The following ASPG variants were observed in gnomAD, a reference collection of about 807,000 sequenced individuals.
ASPG encodes 60 kDa lysophospholipase.
A neutral mutation model predicts 63.2 loss-of-function variants in ASPG; 53 were observed. That is an observed-to-expected ratio of 0.84 (90% confidence interval 0.67 to 1.05). The LOEUF (loss-of-function observed/expected upper bound fraction) is 1.05, where lower values mean the gene tolerates loss of function less well. Among genes scored for constraint, ASPG ranks in the 50% least tolerant of loss-of-function variants. The pLI is 0.00. For missense variants in ASPG, 741 were observed against 794.4 expected (o/e 0.93, Z 0.81); for synonymous variants, 370 against 355.0 (o/e 1.04, Z -0.48).
rs569508219 is a variant in ASPG at position 104,112,762 on chromosome 14, G to A, written c.*218G>A. ...GGCTCTGTCTGGGTCCGGGACTGTG[G>A]ATGTGTGTGGGGAGTCAGGCCCAGG... On this transcript the variant is annotated 3_prime_UTR_variant, in exon 16 of 16. Transcript: ENST00000551177. 1.8e-6 allele frequency: 2 copies of A among 1,091,986 alleles called. No individual in the cohort carries two copies. Among genetic ancestry groups the A allele is most frequent in the South Asian group, 1.6e-5 (1 of 63,624 alleles). 67.6% of individuals were successfully genotyped at this position (1,091,986 alleles called of 1,614,324 possible).
chr14:104,107,900 C>T (rs1417620608), intron 12 of ASPG, among the ~76,000 whole-genome samples: 2 of 152,176 alleles, frequency 1.3e-5, no homozygotes, highest in Non-Finnish European at 2.9e-5. Flanking sequence ...GGAAGGCCAA[C>T]GACCTGTCTG....
At chr14:104,099,095 C>T in intron 6 of ASPG, 116 bp downstream of exon 6, 1 of 1,445,236 alleles carries the variant, frequency 6.9e-7, no homozygotes, top group East Asian at 2.5e-5. Flanking sequence ...ATGCTTGGTT[C>T]TGACTTGCCC....
chr14:104,086,047 T>A (rs2036213675), intron 1 of ASPG, among the ~76,000 whole-genome samples, 195 bp downstream of exon 1: 1 of 152,084 alleles, frequency 6.6e-6, no homozygotes, highest in Non-Finnish European at 1.5e-5. Context: ...CAGAGGAGAT[T>A]GCGGTGGGTT....
rs1388742178 is a variant in ASPG at position 104,095,520 on chromosome 14, C to T, written c.304-11C>T. 1 of 1,612,526 alleles carries T rather than the reference C, an allele frequency of 6.2e-7. No individual in the cohort carries two copies. Among genetic ancestry groups the T allele is most frequent in the East Asian group, 2.2e-5 (1 of 44,872 alleles). ...GGGGCTGGCCTGCCTGAGCATGCGCCCCTCCTGCAGAGGCACTACGAGCAG... is the reference window on the plus strand; with the variant it reads ...GGGGCTGGCCTGCCTGAGCATGCGCTCCTCCTGCAGAGGCACTACGAGCAG... On this transcript the variant is annotated splice_polypyrimidine_tract_variant and intron_variant, in intron 3 of 15. Transcript: ENST00000551177.
chr14:104,096,549 G>C (rs113705741), intron 4 of ASPG, among the ~76,000 whole-genome samples: 1,669 of 152,240 alleles, frequency 0.011, 37 homozygotes, highest in African/African-American at 0.039. Flanking sequence ...CGAGAAGGAG[G>C]GACAGGGCTC....
chr14:104,104,798 G>A, intron 9 of ASPG, 63 bp downstream of exon 9: 1 of 1,396,798 alleles, frequency 7.2e-7, no homozygotes, highest in Admixed American at 2.1e-5. Flanking sequence ...TTGGCTCCCA[G>A]GGGCATGTCT....
intron 12 of ASPG, among the ~76,000 whole-genome samples, chr14:104,108,042 T>C (rs1179244873): frequency 6.6e-6 from 1 of 151,946 alleles, no homozygotes; most frequent in African/African-American, 2.4e-5. Context: ...AGGAGTCCCA[T>C]GGAGAGAAGG....
chr14:104,111,219 G>T, intron 13 of ASPG: 1 of 970,106 alleles, frequency 1.0e-6, no homozygotes. Context: ...TCCTGTGTGT[G>T]TACATGTATG....
At chr14:104,086,461 C>T (rs528071672) in intron 1 of ASPG, among the ~76,000 whole-genome samples, 15 of 152,320 alleles carry the variant, frequency 9.8e-5, no homozygotes, top group African/African-American at 3.6e-4. Flanking sequence ...CTGAGTTCTG[C>T]CTGGGTGGGG....
intron 5 of ASPG, 85 bp downstream of exon 5, chr14:104,097,722 C>T (rs2036659349): frequency 4.6e-6 from 6 of 1,315,654 alleles, no homozygotes; most frequent in Non-Finnish European, 6.4e-6. Context: ...GTCCCCCCAG[C>T]CCCTCCCCAG....
At position 104,110,247 on chromosome 14, in the gene ASPG, G is replaced by C; in HGVS notation, c.1520+932G>C. The C allele has an allele frequency of 1.0e-6, 1 of 985,154 alleles. No individual in the cohort carries two copies. The highest frequency in any genetic ancestry group is 1.2e-6 in the Non-Finnish European group (1 of 829,774). 61.0% of individuals were successfully genotyped at this position (985,154 alleles called of 1,614,324 possible). A position where few individuals can be genotyped will look rare whatever the true frequency, so the allele number is the denominator to read the frequency against. On this transcript the variant is annotated intron_variant, in intron 13 of 15. Transcript: ENST00000551177. The surrounding 1 kb of genome is among the most constrained non-coding windows in gnomAD (Gnocchi z 4.7). ...CCAGGCTTGGGGAGTGGGTGATGGCGGGGGCTCGGCTCACTGGCTGGGAGG... is the reference window on the plus strand; with the variant it reads ...CCAGGCTTGGGGAGTGGGTGATGGCCGGGGCTCGGCTCACTGGCTGGGAGG...
At chr14:104,105,978 T>C (rs755266020) in intron 10 of ASPG, among the ~76,000 whole-genome samples, 8 of 152,240 alleles carry the variant, frequency 5.3e-5, no homozygotes, top group Non-Finnish European at 1.2e-4. Flanking sequence ...CATCCAGGCC[T>C]GACATGGGGC....
chr14:104,111,860 C>A, intron 14 of ASPG, 60 bp from the exon 15 acceptor site: 1 of 1,501,920 alleles, frequency 6.7e-7, no homozygotes, highest in Non-Finnish European at 9.0e-7. Flanking sequence ...GATGGGGATC[C>A]TTGGGCCAGG....
intron 4 of ASPG, 39 bp downstream of exon 4, chr14:104,095,695 T>A (rs1204928922): frequency 1.2e-6 from 2 of 1,610,132 alleles, no homozygotes; most frequent in East Asian, 2.2e-5. Flanking sequence ...AACAGGGGCT[T>A]CCTGAGGCCA....
chr14:104,109,297 C>T lies in ASPG; in HGVS notation c.1502C>T (p.Ala501Val). ...CTGTCCACCCAGGAGCTGGAGGAAG[C>T]AGGGACGGAGCTGTGCAGGTGAGTG... ...ASLSTQELEE[A>V]GTELCRLAYR... The change falls in exon 13 of 16, where the codon GCA (alanine) becomes GTA (valine). Residue 501 changes from alanine to valine, a missense_variant. Transcript: ENST00000551177. The surrounding 1 kb of genome is among the most constrained non-coding windows in gnomAD (Gnocchi z 4.8). 3.7e-6 allele frequency: 6 copies of T among 1,611,876 alleles called. No homozygotes were observed. The highest frequency in any genetic ancestry group is 4.2e-6 in the Non-Finnish European group (5 of 1,179,364).
At chr14:104,098,046 TTTG>T (rs1345881266) in intron 5 of ASPG, among the ~76,000 whole-genome samples, 1,565 of 82,944 alleles carry the variant, frequency 0.019, 525 homozygotes, top group East Asian at 0.026. Flanking sequence ...GTATGGAGGT[TTTG>T]CGTTAGAGAT....
intron 15 of ASPG, 59 bp from the exon 16 acceptor site, chr14:104,112,465 C>A: frequency 1.0e-6 from 1 of 998,172 alleles, no homozygotes; most frequent in Non-Finnish European, 1.6e-6. Flanking sequence ...GGGCTTGTCT[C>A]TCTGCCCTGC....
Position 104,105,418 on chromosome 14 carries a change from G to A in ASPG, c.1141G>A (p.Val381Ile), listed in dbSNP as rs1488669185. 1.9e-6 allele frequency: 3 copies of A among 1,609,596 alleles called. No individual in the cohort carries two copies. Among genetic ancestry groups the A allele is most frequent in the East Asian group, 2.2e-5 (1 of 44,814 alleles). Residue 381 changes from valine (V) to isoleucine (I), a missense_variant, in exon 10 of 16, where the codon GTC (valine) becomes ATC (isoleucine). By Grantham distance (29) the Val-to-Ile change is conservative. Transcript: ENST00000551177. ...SLQGNTLGGG[V>I]SWLLSLSGSQ... ...GCAGGGCAACACGCTGGGCGGTGGG[G>A]TCTCCTGGCTCCTCAGTCTGAGCGG... is the stretch of plus-strand genomic sequence containing the variant.
At chr14:104,099,412 G>A (rs909967555) in intron 6 of ASPG, among the ~76,000 whole-genome samples, 6 of 152,198 alleles carry the variant, frequency 3.9e-5, no homozygotes, top group Admixed American at 1.3e-4. Context: ...GGGCTGACTC[G>A]AGCGATCCTG....
Sources: allele counts gnomAD v4.1 joint callset (sites outside exome capture counted in the v4.1 genomes callset), GRCh38; gene constraint gnomAD v4.1.1; non-coding constraint Gnocchi (gnomAD v3.1); transcripts MANE v1.5; gene names NCBI Gene and HGNC (gene_info 2026-07-23, HGNC 2026-07-21).